The following FHIT variants were observed in gnomAD, a reference collection of about 807,000 sequenced individuals.
FHIT encodes bis(5'-adenosyl)-triphosphatase.
In FHIT, 19 loss-of-function variants were observed where a neutral mutation model predicts 17.9. The observed-to-expected ratio is 1.06, with a 90% CI of 0.74 to 1.56. The LOEUF is 1.56. Ranked by LOEUF, FHIT falls within the 40% of genes most tolerant of loss-of-function variation. The pLI is 0.00. For synonymous variants in FHIT, 81 were observed against 69.7 expected, an observed-to-expected ratio of 1.16 and a Z score of -0.81; for missense variants, 248 against 189.2, an observed-to-expected ratio of 1.31 and a Z score of -1.82.
chr3:60,256,703 C>T (rs979624784), intron 5 of FHIT, among the ~76,000 whole-genome samples: 1 of 152,154 alleles, frequency 6.6e-6, no homozygotes, highest in African/African-American at 2.4e-5. Context: ...TAGTACCTTG[C>T]ATCCACACCT....
intron 4 of FHIT, among the ~76,000 whole-genome samples, chr3:60,778,222 C>T (rs1553724952): frequency 6.6e-6 from 1 of 152,162 alleles, no homozygotes; most frequent in East Asian, 1.9e-4. Context: ...TTATAGTAAA[C>T]CACGGAGATA....
chr3:60,378,552 A>G (rs532030108), intron 5 of FHIT, among the ~76,000 whole-genome samples: 1 of 152,320 alleles, frequency 6.6e-6, no homozygotes, highest in South Asian at 2.1e-4. Context: ...TTTCAAAGAT[A>G]ATGTGCCAAG....
At chr3:60,694,594 G>A (rs1164067090) in intron 4 of FHIT, among the ~76,000 whole-genome samples, 2 of 152,116 alleles carry the variant, frequency 1.3e-5, no homozygotes, top group Non-Finnish European at 2.9e-5. Flanking sequence ...AAATATTGCT[G>A]CTATAAAGAC....
intron 4 of FHIT, among the ~76,000 whole-genome samples, chr3:60,756,001 T>G (rs1479112757): frequency 6.6e-6 from 1 of 152,236 alleles, no homozygotes; most frequent in South Asian, 2.1e-4. Flanking sequence ...TTCTGTTCTT[T>G]GGTCAAATCT....
chr3:60,443,938 A>G (rs1214063019), intron 5 of FHIT, among the ~76,000 whole-genome samples: 1 of 152,086 alleles, frequency 6.6e-6, no homozygotes, highest in Non-Finnish European at 1.5e-5. Flanking sequence ...TTTGCAATCT[A>G]CTCATCTGAC....
intron 5 of FHIT, among the ~76,000 whole-genome samples, chr3:60,238,159 A>AAG (rs1704910207): frequency 6.6e-6 from 1 of 151,332 alleles, no homozygotes; most frequent in East Asian, 1.9e-4. Flanking sequence ...AAAAAAAAAA[A>AAG]AAGAATTTGT....
At chr3:61,132,862 AATG>A (rs2036805959) in intron 2 of FHIT, among the ~76,000 whole-genome samples, 1 of 152,220 alleles carries the variant, frequency 6.6e-6, no homozygotes, top group South Asian at 2.1e-4. Context: ...AAGAAAAAAA[AATG>A]TGGTAGATTT....
chr3:60,288,113 C>G (rs1707814181), intron 5 of FHIT, among the ~76,000 whole-genome samples: 1 of 152,118 alleles, frequency 6.6e-6, no homozygotes, highest in Non-Finnish European at 1.5e-5. Flanking sequence ...CTCAGGTTCA[C>G]TTACAAGGCT....
chr3:59,755,141 T>TATCA (rs1553661453), intron 8 of FHIT, among the ~76,000 whole-genome samples: 5 of 96,250 alleles, frequency 5.2e-5, no homozygotes, highest in Non-Finnish European at 1.1e-4. Context: ...CTTGTGATCC[T>TATCA]ATCAACAGTA....
intron 4 of FHIT, among the ~76,000 whole-genome samples, chr3:60,563,535 G>C (rs991009254): frequency 2.6e-5 from 4 of 152,188 alleles, no homozygotes; most frequent in Non-Finnish European, 2.9e-5. Flanking sequence ...GGCCTCTTGG[G>C]CCAAACAGCC....
chr3:60,428,483 C>T (rs192192302), intron 5 of FHIT, among the ~76,000 whole-genome samples: 3 of 152,118 alleles, frequency 2.0e-5, no homozygotes, highest in Admixed American at 1.3e-4. Flanking sequence ...CATCAGAGCA[C>T]GTTTTGAGTC....
chr3:60,403,144 G>C lies in FHIT; in HGVS notation c.103+133716C>G, dbSNP rs180910828. ...ACTTCATTTAAAAGTAAAAGCCCGG[G>C]ATAGACAAAGACAGAAAAAGCAGCA... On this transcript the variant is annotated intron_variant, in intron 5 of 9. Coordinates refer to ENST00000492590, the MANE Select transcript of FHIT (RefSeq NM_002012.4). Among the ~76,000 whole-genome samples the C allele has an allele frequency of 6.1e-3, 934 of 152,238 alleles. 14 individuals are homozygous for C. The highest frequency in any genetic ancestry group is 0.022 in the African/African-American group (899 of 41,550).
intron 5 of FHIT, among the ~76,000 whole-genome samples, chr3:60,384,532 T>C (rs1296258691): frequency 2.0e-5 from 3 of 152,166 alleles, no homozygotes; most frequent in Non-Finnish European, 4.4e-5. Flanking sequence ...GCAAGCACAG[T>C]AGTTAACCCC....
intron 8 of FHIT, among the ~76,000 whole-genome samples, chr3:59,819,935 GAC>G (rs1328373986): frequency 2.0e-5 from 3 of 152,126 alleles, no homozygotes; most frequent in African/African-American, 7.2e-5. Context: ...ACCATGTGAG[GAC>G]ACAGTGTTTG....
chr3:60,288,392 C>G (rs557609388), intron 5 of FHIT, among the ~76,000 whole-genome samples: 1 of 152,030 alleles, frequency 6.6e-6, no homozygotes, highest in African/African-American at 2.4e-5. Context: ...GGCTGGCTAC[C>G]GTGCCCTCAA....
rs17061780 is a variant in FHIT, at chr3:60,013,422, C to A, written c.249+585G>T. Among the ~76,000 whole-genome samples the A allele has an allele frequency of 9.2e-4, 140 of 152,300 alleles. 1 individual carries two copies. Among genetic ancestry groups the A allele is most frequent in the African/African-American group, 3.2e-3 (135 of 41,554 alleles). ...TACTACGGATTTACTCAATTCCCTA[C>A]TGATGACTCACCATGGACATCCTTC... On this transcript the variant is annotated intron_variant, in intron 6 of 9. Coordinates refer to ENST00000492590, the MANE Select transcript of FHIT (RefSeq NM_002012.4).
intron 2 of FHIT, among the ~76,000 whole-genome samples, chr3:61,191,350 T>C (rs549464433): frequency 1.3e-5 from 2 of 152,222 alleles, no homozygotes; most frequent in South Asian, 2.1e-4. Flanking sequence ...CATGATCTCA[T>C]CTTTGCCGGC....
At chr3:60,889,155 G>A (rs1424209262) in intron 3 of FHIT, among the ~76,000 whole-genome samples, 2 of 152,038 alleles carry the variant, frequency 1.3e-5, no homozygotes, top group African/African-American at 4.8e-5. Context: ...TCTCCACGCT[G>A]CATAACCATT....
At chr3:59,804,355 T>A (rs1700113755) in intron 8 of FHIT, among the ~76,000 whole-genome samples, 1 of 152,210 alleles carries the variant, frequency 6.6e-6, no homozygotes, top group South Asian at 2.1e-4. Context: ...CTTTATCCCA[T>A]AAGGCTAGGT....
Sources: allele counts gnomAD v4.1 joint callset (sites outside exome capture counted in the v4.1 genomes callset), GRCh38; gene constraint gnomAD v4.1.1; transcripts MANE v1.5; gene names NCBI Gene and HGNC (gene_info 2026-07-23, HGNC 2026-07-21).